The following STAB1 variants were observed in gnomAD, a reference collection of about 807,000 sequenced individuals.
The protein encoded by STAB1 is stabilin-1.
Under a neutral mutation model 332.4 loss-of-function variants are expected in STAB1, and 250 were observed. The ratio of observed to expected loss-of-function variants is 0.75; its 90% CI spans 0.68 to 0.84. The LOEUF (loss-of-function observed/expected upper bound fraction) is 0.84. Among genes scored for constraint, STAB1 ranks in the 40% least tolerant of loss-of-function variants. STAB1 has a pLI of 0.00. For missense variants in STAB1, 3,249 were observed against 3,489.7 expected (o/e 0.93, Z 1.74); for synonymous variants, 1,475 against 1,390.4 (o/e 1.06, Z -1.35).
intron 19 of STAB1, 90 bp from the exon 20 acceptor site, chr3:52,507,840 AG>A: frequency 1.4e-6 from 2 of 1,457,752 alleles, no homozygotes; most frequent in Non-Finnish European, 1.9e-6. Context: ...TTCTGGACCC[AG>A]GGGGCAGAGG....
chr3:52,514,021 G>C (rs1291629015), intron 32 of STAB1, 40 bp downstream of exon 32: 1 of 1,592,166 alleles, frequency 6.3e-7, no homozygotes. Context: ...CTGCTCGGGG[G>C]ACACTGTGCC....
intron 1 of STAB1, among the ~76,000 whole-genome samples, chr3:52,497,195 G>C (rs1708093862): frequency 1.3e-5 from 2 of 151,734 alleles, no homozygotes; most frequent in Non-Finnish European, 2.9e-5. Context: ...TCACCATGTT[G>C]ACCAGGCTGG....
At chr3:52,510,293 C>T (rs2153233462) in intron 24 of STAB1, 56 bp from the exon 25 acceptor site, 2 of 1,613,936 alleles carry the variant, frequency 1.2e-6, no homozygotes, top group East Asian at 4.5e-5. Flanking sequence ...GTGGGATGCC[C>T]TGGCCCTCTG....
intron 1 of STAB1, among the ~76,000 whole-genome samples, chr3:52,496,857 C>T (rs557877139): frequency 6.6e-6 from 1 of 152,206 alleles, no homozygotes; most frequent in Admixed American, 6.5e-5. Context: ...AACACAGCTA[C>T]GTGGCCTCTA....
chr3:52,505,923 A>G lies in STAB1; in HGVS notation c.1736A>G (p.Tyr579Cys). The G allele has an allele frequency of 1.2e-6, 2 of 1,613,752 alleles. No homozygotes were observed. The highest frequency in any genetic ancestry group is 2.2e-5 in the South Asian group (2 of 91,078). ...KLQELVRYHI[Y>C]NHGQLTVEKL... ...CAGGAGTTGGTGCGGTACCACATCT[A>G]CAACCACGGCCAGGTGCGAGGTCTT... Residue 579 changes from tyrosine to cysteine, a missense_variant, in exon 16 of 69, where the codon TAC becomes TGC. Transcript: ENST00000321725.
intron 42 of STAB1, 78 bp from the exon 43 acceptor site, chr3:52,517,242 G>C (rs2153233852): frequency 6.8e-7 from 1 of 1,463,960 alleles, no homozygotes; most frequent in Non-Finnish European, 9.2e-7. Flanking sequence ...GGAGGGGGTG[G>C]GACAGATGAA....
intron 28 of STAB1, 70 bp downstream of exon 28, chr3:52,512,713 T>C: frequency 6.2e-7 from 1 of 1,612,126 alleles, no homozygotes; most frequent in East Asian, 2.2e-5. Flanking sequence ...AGGGGTGCCA[T>C]ATAACATCTC....
At chr3:52,515,629 C>G in intron 37 of STAB1, 123 bp downstream of exon 37, 2 of 998,054 alleles carry the variant, frequency 2.0e-6, no homozygotes, top group South Asian at 1.4e-5. Context: ...TAGGGTGAGG[C>G]CAGAACCCAG....
Position 52,507,998 on chromosome 3 carries a change from G to A in STAB1, c.2120G>A (p.Cys707Tyr). The A allele has an allele frequency of 6.2e-7, 1 of 1,613,654 alleles. No individual in the cohort carries two copies. The highest frequency in any genetic ancestry group is 8.5e-7 in the Non-Finnish European group (1 of 1,179,992). ...PTGLNVLKKG[C>Y]ASYCNQTIME... ...GGGCTCAATGTGCTAAAGAAGGGCT[G>A]TGCCAGCTACTGCAACCAAACCATC... The change falls in exon 20 of 69, where the codon TGT (cysteine) becomes TAT (tyrosine). Residue 707 changes from cysteine (C) to tyrosine (Y), a missense_variant. Physicochemically the swap from Cys to Tyr is radical, Grantham distance 194. Transcript: ENST00000321725.
At chr3:52,513,460 TCA>T (rs762874258) in intron 30 of STAB1, among the ~76,000 whole-genome samples, 3 of 152,272 alleles carry the variant, frequency 2.0e-5, no homozygotes, top group South Asian at 2.1e-4. Context: ...TCTGTCCATC[TCA>T]GTCTGCACAT....
intron 25 of STAB1, 45 bp from the exon 26 acceptor site, chr3:52,511,605 G>A: frequency 1.3e-6 from 2 of 1,545,302 alleles, no homozygotes; most frequent in Non-Finnish European, 1.8e-6. Context: ...AGAAAGGGTT[G>A]GATGCTCATC....
Position 52,512,934 on chromosome 3 carries a change from CA to C in STAB1, c.3136del (p.Arg1046GlyfsTer32). ...SPEDRAFWLQ[P>X]RTLPNLVRAH... ...GAGGACCGAGCTTTCTGGCTGCAGC[CA>C]AGGACGCTGCCGAACCTGGTCAGGT... On this transcript the variant is annotated frameshift_variant, in exon 29 of 69. Transcript: ENST00000321725. LOFTEE classifies it high-confidence loss of function. 6.2e-7 allele frequency: 1 copy of C among 1,611,254 alleles called. No individual in the cohort carries two copies. Among genetic ancestry groups the C allele is most frequent in the South Asian group, 1.1e-5 (1 of 90,960 alleles).
chr3:52,516,650 C>T, intron 40 of STAB1, 42 bp from the exon 41 acceptor site: 1 of 1,612,378 alleles, frequency 6.2e-7, no homozygotes, highest in Non-Finnish European at 8.5e-7. Flanking sequence ...CAAGGCACGA[C>T]TGGACAGGCA....
At chr3:52,518,650 G>A in intron 47 of STAB1, 37 bp downstream of exon 47, 3 of 1,611,356 alleles carry the variant, frequency 1.9e-6, no homozygotes, top group Non-Finnish European at 2.5e-6. Flanking sequence ...GCAGGGCTGG[G>A]TGCTCTGGTG....
chr3:52,518,162 C>A, intron 45 of STAB1, 150 bp from the exon 46 acceptor site: 2 of 1,487,270 alleles, frequency 1.3e-6, no homozygotes, highest in Non-Finnish European at 9.1e-7. Flanking sequence ...CAGCTATGAC[C>A]CATGAAACTA....
At chr3:52,517,753 G>A (rs936241711) in intron 44 of STAB1, 128 bp from the exon 45 acceptor site, 51 of 1,564,124 alleles carry the variant, frequency 3.3e-5, no homozygotes, top group African/African-American at 5.5e-5. Flanking sequence ...CGTCAAGCTC[G>A]AGTTTAATCA....
intron 13 of STAB1, 28 bp from the exon 14 acceptor site, chr3:52,505,291 G>C: frequency 6.2e-7 from 1 of 1,613,082 alleles, no homozygotes; most frequent in Non-Finnish European, 8.5e-7. Flanking sequence ...CCCTTCCCTG[G>C]GGCCCTCACA....
At chr3:52,517,433 C>T in intron 43 of STAB1, 40 bp downstream of exon 43, 1 of 1,577,286 alleles carries the variant, frequency 6.3e-7, no homozygotes, top group Non-Finnish European at 8.6e-7. Flanking sequence ...TCATGCCATG[C>T]CCTCACAGGA....
intron 2 of STAB1, 90 bp from the exon 3 acceptor site, chr3:52,501,548 G>A: frequency 7.8e-7 from 1 of 1,280,304 alleles, no homozygotes; most frequent in Admixed American, 2.1e-5. Context: ...CAGGGAGGTG[G>A]GTGGGAGCCC....
Sources: allele counts gnomAD v4.1 joint callset (sites outside exome capture counted in the v4.1 genomes callset), GRCh38; gene constraint gnomAD v4.1.1; transcripts MANE v1.5; gene names NCBI Gene and HGNC (gene_info 2026-07-23, HGNC 2026-07-21).